The following CCDC61 variants were observed in gnomAD, a reference collection of about 807,000 sequenced individuals.
CCDC61 encodes the protein centrosomal protein CCDC61.
Under a neutral mutation model 63.0 loss-of-function variants are expected in CCDC61, and 55 were observed. The ratio of observed to expected loss-of-function variants is 0.87; its 90% CI spans 0.70 to 1.09. CCDC61 has a LOEUF of 1.09. CCDC61 is among the 50% of genes least tolerant of loss of function. CCDC61 has a pLI of 0.00. For missense variants in CCDC61, 651 were observed against 731.4 expected (o/e 0.89, Z 1.27); for synonymous variants, 270 against 317.0 (o/e 0.85, Z 1.58).
chr19:46,016,293 C>T lies in CCDC61; in HGVS notation c.1016-25C>T. The T allele has an allele frequency of 6.2e-7, 1 of 1,612,530 alleles. No homozygotes were observed. The highest frequency in any genetic ancestry group is 8.5e-7 in the Non-Finnish European group (1 of 1,179,170). ...GCCAAGGCCCGTCTCCGGACCTAGC[C>T]GCCTCCTCTCCCACGCCGTCCTAGG... On this transcript the variant is annotated intron_variant, in intron 8 of 13. Coordinates refer to ENST00000595358, the MANE Select transcript of CCDC61 (RefSeq NM_001267723.2). The surrounding 1 kb of genome is among the most constrained non-coding windows in gnomAD (Gnocchi z 7.2).
At position 46,011,991 on chromosome 19, in the gene CCDC61, C is replaced by T. The variant is rs368015485; in HGVS notation, c.552-3058C>T. Among the ~76,000 whole-genome samples the T allele has an allele frequency of 7.2e-5, 11 of 152,136 alleles. No homozygotes were observed. The East Asian group carries it at 1.7e-3, about 24-fold the overall frequency. On this transcript the variant is annotated intron_variant, in intron 5 of 13. Transcript: ENST00000595358. ...CTGATTTTTGCATTTTTAGTAGAGA[C>T]GGGGTTTCACCGTGTTGGCCAGGCT...
rs146892135 is a variant in CCDC61, at chr19:46,008,163, C to T, written c.413C>T (p.Pro138Leu). 1,132 of 1,611,666 alleles carry T rather than the reference C, an allele frequency of 7.0e-4. 5 individuals are homozygous for T. The African/African-American group carries it at 7.6e-3, about 11-fold the overall frequency. The change falls in exon 5 of 14, where the codon CCG becomes CTG. Residue 138 changes from proline to leucine, a missense_variant. Physicochemically the swap from Pro to Leu is moderately conservative, Grantham distance 98. Transcript: ENST00000595358. ...FDRIHYPLPL[P>L]YQGKPDPVVL... ...AGGATTCACTACCCGCTGCCCCTCC[C>T]GTACCAGGGCAAGCCAGACCCCGTG... is the stretch of plus-strand genomic sequence containing the variant.
intron 3 of CCDC61, among the ~76,000 whole-genome samples, chr19:46,003,780 A>G (rs1349855450): frequency 1.4e-5 from 2 of 145,534 alleles, no homozygotes; most frequent in Non-Finnish European, 3.0e-5. Context: ...GGTGAAAATC[A>G]CTCCAGTCCT....
intron 1 of CCDC61, among the ~76,000 whole-genome samples, chr19:45,995,771 AAT>A (rs1337733433): frequency 6.6e-6 from 1 of 152,052 alleles, no homozygotes; most frequent in Non-Finnish European, 1.5e-5. Context: ...CAGATGGTAA[AAT>A]ATAGAGACGT....
In CCDC61 at chr19:46,018,076, A is replaced by G. The variant is rs1968984488; in HGVS notation, c.1369-2A>G. On this transcript the variant is annotated splice_acceptor_variant, in intron 12 of 13. Transcript: ENST00000595358. LOFTEE classifies it high-confidence loss of function. The surrounding 1 kb of genome is among the most constrained non-coding windows in gnomAD (Gnocchi z 4.2). Reference sequence around the variant, plus strand: ...CCCCTTTCCTACCTTCCCCATCACCAGAAGTCTCCCCCCGTGGAACGCAGC... The same window carrying G: ...CCCCTTTCCTACCTTCCCCATCACCGGAAGTCTCCCCCCGTGGAACGCAGC... 1 of 1,608,678 alleles carries G rather than the reference A, an allele frequency of 6.2e-7. No homozygotes were observed. Among genetic ancestry groups the G allele is most frequent in the Admixed American group, 1.7e-5 (1 of 59,604 alleles).
At chr19:46,014,548 C>G (rs900405574) in intron 5 of CCDC61, among the ~76,000 whole-genome samples, 1 of 152,162 alleles carries the variant, frequency 6.6e-6, no homozygotes, top group East Asian at 1.9e-4. Context: ...CACTCTTTTG[C>G]TATTACAGAT....
intron 3 of CCDC61, among the ~76,000 whole-genome samples, chr19:46,004,588 C>T (rs1968662547): frequency 6.6e-6 from 1 of 152,124 alleles, no homozygotes; most frequent in Non-Finnish European, 1.5e-5. Context: ...CCTCAGCCTC[C>T]CGAGTAGCTG....
In CCDC61 at chr19:46,015,130, G is replaced by T. The variant is rs1968900340; in HGVS notation, c.633G>T (p.Ala211=). 7.7e-7 allele frequency: 1 copy of T among 1,292,152 alleles called. No individual in the cohort carries two copies. The highest frequency in any genetic ancestry group is 1.5e-5 in the African/African-American group (1 of 64,520). 80.0% of individuals were successfully genotyped at this position (1,292,152 alleles called of 1,614,324 possible). A position where few individuals can be genotyped will look rare whatever the true frequency, so the allele number is the denominator to read the frequency against. The change falls in exon 6 of 14, where the codon GCG becomes GCT. Residue 211 remains alanine (A), a synonymous_variant. Transcript: ENST00000595358. This position sits in a 1 kb window ranked among gnomAD's most constrained non-coding sequence, Gnocchi z 5.3. ...RSREEALAGR[A]ARQEAEALRG... ...GCGAGGAGGCGCTGGCCGGGCGCGC[G>T]GCACGCCAGGAGGCCGAGGCGCTGC...
At chr19:45,996,129 G>GT (rs1198385705) in intron 1 of CCDC61, 3 of 153,664 alleles carry the variant, frequency 2.0e-5, no homozygotes, top group Non-Finnish European at 2.9e-5. Flanking sequence ...TGGGCCAGTT[G>GT]TTTAACCCTT....
At chr19:46,008,719 T>A (rs536991686) in intron 5 of CCDC61, among the ~76,000 whole-genome samples, 1 of 152,248 alleles carries the variant, frequency 6.6e-6, no homozygotes, top group South Asian at 2.1e-4. Flanking sequence ...TCTGAGCCCC[T>A]CTTCTGTACC....
At chr19:46,000,062 A>G (rs1968561819) in intron 1 of CCDC61, 1 of 985,068 alleles carries the variant, frequency 1.0e-6, no homozygotes, top group Non-Finnish European at 1.2e-6. Context: ...ATGCAGGTAG[A>G]GGGACAGGGT....
At chr19:46,010,058 G>A (rs1215632205) in intron 5 of CCDC61, among the ~76,000 whole-genome samples, 1 of 152,198 alleles carries the variant, frequency 6.6e-6, no homozygotes, top group East Asian at 1.9e-4. Context: ...CATTCATTGA[G>A]CCAACATTTA....
chr19:46,002,341 T>C (rs1968606516), intron 1 of CCDC61, among the ~76,000 whole-genome samples: 1 of 152,142 alleles, frequency 6.6e-6, no homozygotes, highest in South Asian at 2.1e-4. Context: ...GCTGAATGAA[T>C]GAATGAATAA....
At chr19:46,008,324 G>GGGC in intron 5 of CCDC61, 23 bp downstream of exon 5, 4 of 897,126 alleles carry the variant, frequency 4.5e-6, no homozygotes, top group Non-Finnish European at 7.0e-6. Flanking sequence ...GGGGTGGGCA[G>GGGC]CTGGGGCGGG....
chr19:46,002,283 C>T (rs2146456851), intron 1 of CCDC61, among the ~76,000 whole-genome samples: 1 of 151,978 alleles, frequency 6.6e-6, no homozygotes, highest in East Asian at 1.9e-4. Context: ...CATCCTACTC[C>T]AATACCCCCG....
chr19:46,009,496 C>A (rs893850450), intron 5 of CCDC61, among the ~76,000 whole-genome samples: 1 of 152,150 alleles, frequency 6.6e-6, no homozygotes, highest in East Asian at 1.9e-4. Context: ...CTATTATCAC[C>A]GTTTGACAGA....
At position 46,017,522 on chromosome 19, in the gene CCDC61, A is replaced by G. The variant is rs150347748; in HGVS notation, c.1368+218A>G. Among the ~76,000 whole-genome samples the G allele has an allele frequency of 5.8e-3, 811 of 139,934 alleles. 10 individuals carry two copies. Among genetic ancestry groups the G allele is most frequent in the African/African-American group, 0.018 (713 of 39,210 alleles). The allele number at this position is 139,934 out of a possible 152,430, so 91.8% of individuals were successfully genotyped here. A position where few individuals can be genotyped will look rare whatever the true frequency, so the allele number is the denominator to read the frequency against. ...TCAAGAGACCCTCCCACCTCGGCCT[A>G]TGGAGTAGCTGGGACTAGGCTTTTT... On this transcript the variant is annotated intron_variant, in intron 12 of 13. Coordinates refer to ENST00000595358, the MANE Select transcript of CCDC61 (RefSeq NM_001267723.2).
Position 46,016,443 on chromosome 19 carries a change from C to T in CCDC61, c.1091+50C>T, listed in dbSNP as rs758790992. On this transcript the variant is annotated intron_variant, in intron 9 of 13. Coordinates refer to ENST00000595358, the MANE Select transcript of CCDC61 (RefSeq NM_001267723.2). The surrounding 1 kb of genome is among the most constrained non-coding windows in gnomAD (Gnocchi z 7.2). ...TGCCCCTGTCCCTGGCCCGTGCCCG[C>T]TCCCGGGCTCTCATCTCTCCACGCC... 7.6e-6 allele frequency: 12 copies of T among 1,584,052 alleles called. No individual in the cohort carries two copies. Among genetic ancestry groups the T allele is most frequent in the African/African-American group, 2.7e-5 (2 of 74,474 alleles).
chr19:46,003,607 C>A, intron 3 of CCDC61, 106 bp downstream of exon 3: 2 of 691,784 alleles, frequency 2.9e-6, no homozygotes, highest in Non-Finnish European at 4.8e-6. Context: ...CCTTCTCTTT[C>A]ATTGTGGGAA....
Sources: allele counts gnomAD v4.1 joint callset (sites outside exome capture counted in the v4.1 genomes callset), GRCh38; gene constraint gnomAD v4.1.1; non-coding constraint Gnocchi (gnomAD v3.1); transcripts MANE v1.5; gene names NCBI Gene and HGNC (gene_info 2026-07-23, HGNC 2026-07-21).